The following AEBP2 variants were observed in gnomAD, a reference collection of about 807,000 sequenced individuals.
AEBP2 encodes AE binding protein 2.
A neutral mutation model predicts 50.8 loss-of-function variants in AEBP2; 10 were observed. That is an observed-to-expected ratio of 0.20 (90% CI 0.12 to 0.33). The LOEUF is 0.33. Among genes scored for constraint, AEBP2 ranks in the 10% least tolerant of loss-of-function variants. The probability of loss-of-function intolerance (pLI) is 1.00; values close to 1 mark genes in which losing one functional copy is unlikely to be tolerated. For synonymous variants in AEBP2, 296 were observed against 261.3 expected (o/e 1.13, Z -1.28); for missense variants, 570 against 688.0 (o/e 0.83, Z 1.92).
chr12:19,429,064 T>C (rs2095750066), intron 1 of AEBP2, among the ~76,000 whole-genome samples: 1 of 152,180 alleles, frequency 6.6e-6, no homozygotes, highest in Non-Finnish European at 1.5e-5. Context: ...GCCATGTTGG[T>C]GTGCTGCATC....
At chr12:19,507,416 G>A (rs1462688087) in intron 5 of AEBP2, among the ~76,000 whole-genome samples, 2 of 152,152 alleles carry the variant, frequency 1.3e-5, no homozygotes, top group African/African-American at 4.8e-5. Flanking sequence ...ACCAAAAATA[G>A]TGGTAATAAT....
rs772498266 is a variant in AEBP2 at position 19,471,254 on chromosome 12, G to C, written c.880-1994G>C. Among the ~76,000 whole-genome samples the C allele has an allele frequency of 6.0e-5, 9 of 150,264 alleles. 1 individual carries two copies. Among genetic ancestry groups the C allele is most frequent in the Non-Finnish European group, 1.3e-4 (9 of 66,832 alleles). ...CCACCTCAGCCTCTTAAGTAGCTGG[G>C]ACCACAGGTGGGCACCACCATGCCT... On this transcript the variant is annotated intron_variant, in intron 2 of 7. Coordinates refer to ENST00000266508, the MANE Select transcript of AEBP2 (RefSeq NM_153207.5).
intron 4 of AEBP2, among the ~76,000 whole-genome samples, chr12:19,497,598 G>A (rs1219665775): frequency 2.0e-5 from 3 of 152,000 alleles, no homozygotes; most frequent in Non-Finnish European, 4.4e-5. Flanking sequence ...TCAGCTTCTT[G>A]AGTAGCTGGG....
intron 3 of AEBP2, among the ~76,000 whole-genome samples, chr12:19,492,066 G>A (rs1948901706): frequency 6.6e-6 from 1 of 152,136 alleles, no homozygotes; most frequent in Non-Finnish European, 1.5e-5. Context: ...CTATTATCTA[G>A]ATGAACTTTT....
At chr12:19,445,931 A>G (rs1402346954) in intron 1 of AEBP2, 1 of 152,216 alleles carries the variant, frequency 6.6e-6, no homozygotes, top group Non-Finnish European at 1.5e-5. Context: ...CTGAACGTAC[A>G]TATTAAAAAC....
At chr12:19,408,945 G>C (rs965888405) in intron 1 of AEBP2, among the ~76,000 whole-genome samples, 1 of 151,596 alleles carries the variant, frequency 6.6e-6, no homozygotes, top group African/African-American at 2.4e-5. Flanking sequence ...AATAAATAAA[G>C]CAAAACAGCA....
chr12:19,474,818 A>T (rs148834602), intron 3 of AEBP2, among the ~76,000 whole-genome samples: 3,632 of 150,664 alleles, frequency 0.024, 85 homozygotes, highest in Middle Eastern at 0.048. Flanking sequence ...CTCAAGATGG[A>T]GTCTTGCTCT....
At chr12:19,509,931 T>TA (rs1316579973) in intron 5 of AEBP2, among the ~76,000 whole-genome samples, 1 of 145,538 alleles carries the variant, frequency 6.9e-6, no homozygotes, top group African/African-American at 2.5e-5. Context: ...TGCCCAGGTT[T>TA]AAGCAATTCT....
intron 1 of AEBP2, among the ~76,000 whole-genome samples, chr12:19,433,096 A>AC (rs2095752261): frequency 6.6e-6 from 1 of 152,088 alleles, no homozygotes; most frequent in South Asian, 2.1e-4. Context: ...TAAAAAAAAA[A>AC]ATTTCTGGGC....
chr12:19,477,089 A>T (rs1948659140), intron 3 of AEBP2, among the ~76,000 whole-genome samples: 1 of 152,058 alleles, frequency 6.6e-6, no homozygotes, highest in African/African-American at 2.4e-5. Flanking sequence ...AATAGGGGTT[A>T]AGTTCTTTAG....
chr12:19,465,179 G>T (rs926226050), intron 2 of AEBP2, among the ~76,000 whole-genome samples: 2 of 151,832 alleles, frequency 1.3e-5, no homozygotes, highest in African/African-American at 4.8e-5. Context: ...CGGATCACGG[G>T]GTCAGGAGTT....
intron 4 of AEBP2, among the ~76,000 whole-genome samples, chr12:19,495,108 G>A (rs1301515497): frequency 6.6e-6 from 1 of 152,064 alleles, no homozygotes; most frequent in Admixed American, 6.5e-5. Context: ...GTTTCGCCAT[G>A]TGGCCAGGCT....
At chr12:19,468,121 TGAC>T (rs1948510748) in intron 2 of AEBP2, among the ~76,000 whole-genome samples, 1 of 137,460 alleles carries the variant, frequency 7.3e-6, no homozygotes, top group African/African-American at 3.1e-5. Context: ...CCCCTCTGCC[TGAC>T]TTTGTGTGTG....
At chr12:19,475,487 T>G (rs572618724) in intron 3 of AEBP2, among the ~76,000 whole-genome samples, 2 of 152,256 alleles carry the variant, frequency 1.3e-5, no homozygotes, top group South Asian at 4.1e-4. Flanking sequence ...TACTGCATTT[T>G]CTTTATCCAC....
intron 5 of AEBP2, among the ~76,000 whole-genome samples, chr12:19,505,604 G>A (rs1949145321): frequency 6.6e-6 from 1 of 152,172 alleles, no homozygotes; most frequent in African/African-American, 2.4e-5. Context: ...CAGTGAGTAG[G>A]CAGAGTAGGC....
chr12:19,473,615 A>G (rs1044346249), intron 3 of AEBP2, among the ~76,000 whole-genome samples: 6 of 152,142 alleles, frequency 3.9e-5, no homozygotes, highest in Non-Finnish European at 8.8e-5. Flanking sequence ...CATGTTGGCC[A>G]GGATGGTCTT....
At chr12:19,432,050 C>T (rs186588439) in intron 1 of AEBP2, among the ~76,000 whole-genome samples, 4 of 152,238 alleles carry the variant, frequency 2.6e-5, no homozygotes, top group African/African-American at 9.6e-5. Flanking sequence ...GGCAAACTGG[C>T]GAGGCAGGAC....
chr12:19,509,820 CTTTTTT>C (rs57103167), intron 5 of AEBP2, among the ~76,000 whole-genome samples: 38 of 68,776 alleles, frequency 5.5e-4, no homozygotes, highest in African/African-American at 2.0e-3. Context: ...TGGCTACTTT[CTTTTTT>C]TTTTTTTTTT....
At chr12:19,407,648 A>G (rs957391269) in intron 1 of AEBP2, among the ~76,000 whole-genome samples, 2 of 152,092 alleles carry the variant, frequency 1.3e-5, no homozygotes, top group African/African-American at 4.8e-5. Flanking sequence ...TATGTTGCCC[A>G]GGCTGGTCCT....
Sources: gnomAD v4.1 joint callset for allele counts (sites outside exome capture counted in the v4.1 genomes callset) on GRCh38, gnomAD v4.1.1 for gene constraint, MANE v1.5 for transcripts, NCBI Gene and HGNC (gene_info 2026-07-23, HGNC 2026-07-21) for gene names.